The following RAD51B variants were observed in gnomAD, a reference collection of about 807,000 sequenced individuals.
RAD51B encodes the protein DNA repair protein RAD51 homolog 2.
Under a neutral mutation model 42.2 loss-of-function variants are expected in RAD51B, and 38 were observed. The ratio of observed to expected loss-of-function variants is 0.90; its 90% CI spans 0.70 to 1.18. The LOEUF (loss-of-function observed/expected upper bound fraction) is 1.18, where lower values mean the gene tolerates loss of function less well. Among genes scored for constraint, RAD51B ranks in the 50% most tolerant of loss-of-function variants. RAD51B has a pLI of 0.00. For synonymous variants in RAD51B, 154 were observed against 145.2 expected, an observed-to-expected ratio of 1.06 and a Z score of -0.43; for missense variants, 373 against 400.7, an observed-to-expected ratio of 0.93 and a Z score of 0.59.
At chr14:68,366,287 G>A (rs747972631) in intron 8 of RAD51B, among the ~76,000 whole-genome samples, 7 of 152,186 alleles carry the variant, frequency 4.6e-5, no homozygotes, top group Non-Finnish European at 8.8e-5. Flanking sequence ...GCCTATGTCT[G>A]TGACGGTGAT....
At chr14:68,611,476 T>A in exon 11 of RAD51B, 2 of 557,618 alleles carry the variant, frequency 3.6e-6, no homozygotes, top group Non-Finnish European at 6.4e-6. Context: ...CTGGGTCTTC[T>A]GCAGAGTGAT....
intron 10 of RAD51B, among the ~76,000 whole-genome samples, chr14:68,608,797 G>A (rs910113036): frequency 1.3e-5 from 2 of 152,148 alleles, no homozygotes; most frequent in Non-Finnish European, 2.9e-5. Flanking sequence ...ATGAAGAGGA[G>A]GGCTGTCCAC....
chr14:68,075,412 T>TG (rs1300429080), intron 7 of RAD51B, among the ~76,000 whole-genome samples: 4 of 152,052 alleles, frequency 2.6e-5, no homozygotes, highest in Non-Finnish European at 5.9e-5. Context: ...ACAGAGCTGT[T>TG]GCCAGTGGGA....
chr14:67,850,491 G>A (rs895525382), intron 4 of RAD51B, among the ~76,000 whole-genome samples: 1 of 152,152 alleles, frequency 6.6e-6, no homozygotes, highest in African/African-American at 2.4e-5. Flanking sequence ...GGGCTGTGGA[G>A]TTCAACCTAC....
chr14:67,873,943 T>A (rs867212052), intron 5 of RAD51B, among the ~76,000 whole-genome samples: 9 of 78,716 alleles, frequency 1.1e-4, no homozygotes, highest in Middle Eastern at 0.015. Context: ...TGTTGTGGGG[T>A]AGGGGGAGGG....
intron 7 of RAD51B, among the ~76,000 whole-genome samples, chr14:68,261,164 G>A (rs554463779): frequency 6.6e-6 from 1 of 152,246 alleles, no homozygotes; most frequent in African/African-American, 2.4e-5. Flanking sequence ...GAAGCATTTT[G>A]AAATTGGGCA....
At chr14:68,299,729 A>C (rs1231136312) in intron 8 of RAD51B, among the ~76,000 whole-genome samples, 1 of 152,196 alleles carries the variant, frequency 6.6e-6, no homozygotes, top group Non-Finnish European at 1.5e-5. Context: ...CTGGCTCCAG[A>C]GGTACATTTT....
At chr14:68,047,190 A>C (rs1483421194) in intron 7 of RAD51B, among the ~76,000 whole-genome samples, 1 of 152,156 alleles carries the variant, frequency 6.6e-6, no homozygotes, top group Non-Finnish European at 1.5e-5. Context: ...CCAGAAAGCA[A>C]AAGAATGAAT....
intron 7 of RAD51B, among the ~76,000 whole-genome samples, chr14:67,921,351 G>T (rs1299953515): frequency 6.6e-6 from 1 of 152,138 alleles, no homozygotes; most frequent in Non-Finnish European, 1.5e-5. Context: ...GAGATTACAG[G>T]CATGAGCCAC....
intron 8 of RAD51B, among the ~76,000 whole-genome samples, chr14:68,299,676 G>A (rs1485745966): frequency 6.6e-6 from 1 of 152,114 alleles, no homozygotes; most frequent in Non-Finnish European, 1.5e-5. Flanking sequence ...GGCTTAGAAG[G>A]CTACACAATT....
At chr14:67,875,259 A>T (rs1038710818) in intron 5 of RAD51B, among the ~76,000 whole-genome samples, 5 of 152,224 alleles carry the variant, frequency 3.3e-5, no homozygotes, top group African/African-American at 1.2e-4. Flanking sequence ...TGTAAATATT[A>T]TAACTTAGTA....
chr14:67,946,627 A>T (rs1312979252), intron 7 of RAD51B, among the ~76,000 whole-genome samples: 1 of 152,214 alleles, frequency 6.6e-6, no homozygotes, highest in East Asian at 1.9e-4. Flanking sequence ...CGGCCTCCCA[A>T]AGTGTTGGGA....
At chr14:67,996,162 G>A (rs572504133) in intron 7 of RAD51B, among the ~76,000 whole-genome samples, 2 of 151,820 alleles carry the variant, frequency 1.3e-5, no homozygotes, top group African/African-American at 2.4e-5. Context: ...TTGGGAGGCC[G>A]AGGTGGGAGG....
At chr14:68,248,665 C>T (rs2080553095) in intron 7 of RAD51B, among the ~76,000 whole-genome samples, 1 of 152,120 alleles carries the variant, frequency 6.6e-6, no homozygotes, top group Non-Finnish European at 1.5e-5. Flanking sequence ...GGCATAAAAC[C>T]ATCTGTGGCT....
chr14:68,062,404 C>T (rs1380153143), intron 7 of RAD51B, among the ~76,000 whole-genome samples: 1 of 152,082 alleles, frequency 6.6e-6, no homozygotes, highest in Non-Finnish European at 1.5e-5. Flanking sequence ...TAATGCTGGA[C>T]TTATAGAATG....
chr14:67,832,842 G>A (rs1369206703), intron 3 of RAD51B, among the ~76,000 whole-genome samples: 1 of 152,030 alleles, frequency 6.6e-6, no homozygotes, highest in Non-Finnish European at 1.5e-5. Flanking sequence ...ATTAACAAAG[G>A]GAGGTTGTCA....
chr14:68,246,280 C>T (rs1340282629), intron 7 of RAD51B, among the ~76,000 whole-genome samples: 1 of 151,450 alleles, frequency 6.6e-6, no homozygotes, highest in Non-Finnish European at 1.5e-5. Flanking sequence ...TCTGTGGCCT[C>T]CAGCAGATTA....
At chr14:68,447,516 T>C (rs1389155512) in intron 9 of RAD51B, among the ~76,000 whole-genome samples, 2 of 151,676 alleles carry the variant, frequency 1.3e-5, no homozygotes, top group Admixed American at 6.6e-5. Flanking sequence ...AAACTTACAA[T>C]AAACAGCTTT....
At chr14:68,599,982 A>G (rs763258224), downstream of RAD51B, among the ~76,000 whole-genome samples, 3 of 152,158 alleles carry the variant, frequency 2.0e-5, no homozygotes, top group Non-Finnish European at 2.9e-5. Flanking sequence ...TGAACAAGTC[A>G]TAGTTTTGCT....
Sources: allele counts gnomAD v4.1 joint callset (sites outside exome capture counted in the v4.1 genomes callset), GRCh38; gene constraint gnomAD v4.1.1; transcripts MANE v1.5; gene names NCBI Gene and HGNC (gene_info 2026-07-23, HGNC 2026-07-21).